Variants in ATP6V0E1 observed in about 807,000 individuals in gnomAD.
The protein encoded by ATP6V0E1 is ATPase H+ transporting V0 subunit e1.
In ATP6V0E1, 4 loss-of-function variants were observed where a neutral mutation model predicts 11.6. That is an observed-to-expected ratio of 0.35 (90% CI 0.17 to 0.79). The LOEUF is 0.79. Ranked by LOEUF, ATP6V0E1 falls within the 30% of genes least tolerant of loss-of-function variation. ATP6V0E1 has a pLI of 0.54. For missense variants in ATP6V0E1, 105 were observed against 100.0 expected (o/e 1.05, Z -0.21); for synonymous variants, 36 against 34.8 (o/e 1.04, Z -0.13).
At chr5:172,998,457 T>A (rs1159500533) in intron 2 of ATP6V0E1, among the ~76,000 whole-genome samples, 1 of 151,694 alleles carries the variant, frequency 6.6e-6, no homozygotes, top group Non-Finnish European at 1.5e-5. Flanking sequence ...AAAAAATTTT[T>A]AAAATTAGCT....
intron 3 of ATP6V0E1, among the ~76,000 whole-genome samples, chr5:173,028,278 C>T (rs1476160150): frequency 2.0e-5 from 3 of 152,260 alleles, no homozygotes; most frequent in Admixed American, 6.5e-5. Flanking sequence ...CTCTGCCTAG[C>T]GTTAGAACAG....
chr5:173,032,269 A>ATTTAT (rs1756676045), intron 3 of ATP6V0E1, among the ~76,000 whole-genome samples: 2 of 145,948 alleles, frequency 1.4e-5, no homozygotes, highest in Admixed American at 1.4e-4. Context: ...TTATTTATTT[A>ATTTAT]TTTATTTATT....
intron 3 of ATP6V0E1, 24 bp downstream of exon 3, chr5:173,020,391 T>G: frequency 1.5e-6 from 2 of 1,363,412 alleles, no homozygotes; most frequent in Non-Finnish European, 2.1e-6. Context: ...TGACCTTTCT[T>G]ATCAGTATGG....
intron 2 of ATP6V0E1, among the ~76,000 whole-genome samples, chr5:173,011,355 A>T (rs545849477): frequency 2.8e-4 from 43 of 151,168 alleles, no homozygotes; most frequent in Non-Finnish European, 5.0e-4. Flanking sequence ...TTGAAAAAAA[A>T]TTTTTTTTTA....
At chr5:173,034,114 A>G (rs905834618) in intron 3 of ATP6V0E1, among the ~76,000 whole-genome samples, 16 of 152,220 alleles carry the variant, frequency 1.1e-4, no homozygotes, top group Admixed American at 2.6e-4. Context: ...TGAATTCATT[A>G]GATTCCAGCA....
intron 2 of ATP6V0E1, among the ~76,000 whole-genome samples, chr5:173,011,052 G>A (rs921787161): frequency 1.6e-4 from 25 of 152,036 alleles, no homozygotes; most frequent in African/African-American, 6.0e-4. Flanking sequence ...ATTTCTCACA[G>A]CTCATGAGTC....
At chr5:173,033,039 T>C (rs1329789394) in intron 3 of ATP6V0E1, among the ~76,000 whole-genome samples, 1 of 152,188 alleles carries the variant, frequency 6.6e-6, no homozygotes, top group Non-Finnish European at 1.5e-5. Flanking sequence ...GAGGCTGCAG[T>C]GAGCTGTGTT....
At chr5:173,016,250 G>A (rs149768600) in intron 2 of ATP6V0E1, among the ~76,000 whole-genome samples, 2 of 152,320 alleles carry the variant, frequency 1.3e-5, no homozygotes, top group East Asian at 3.9e-4. Context: ...GCTACCTCCA[G>A]GCAGATAATG....
chr5:172,994,851 C>A (rs1756035854), intron 2 of ATP6V0E1, 29 bp downstream of exon 2: 1 of 1,550,400 alleles, frequency 6.4e-7, no homozygotes, highest in African/African-American at 1.4e-5. Context: ...AGTAATTATT[C>A]TTGGTATTTG....
At chr5:172,985,049 A>G (rs564625475) in intron 1 of ATP6V0E1, among the ~76,000 whole-genome samples, 3 of 152,310 alleles carry the variant, frequency 2.0e-5, no homozygotes, top group East Asian at 3.9e-4. Flanking sequence ...GATCGAGACC[A>G]TCCTGGCTAA....
At chr5:172,999,862 A>G (rs1756125265) in intron 2 of ATP6V0E1, among the ~76,000 whole-genome samples, 1 of 152,068 alleles carries the variant, frequency 6.6e-6, no homozygotes, top group Non-Finnish European at 1.5e-5. Flanking sequence ...TTATGAAATC[A>G]TTTTTCTTTT....
At chr5:173,028,718 T>C (rs1283295976) in intron 3 of ATP6V0E1, among the ~76,000 whole-genome samples, 3 of 152,252 alleles carry the variant, frequency 2.0e-5, no homozygotes, top group African/African-American at 7.2e-5. Context: ...TTATGTTTAT[T>C]GGCTGCAAAT....
intron 3 of ATP6V0E1, among the ~76,000 whole-genome samples, chr5:173,028,410 A>G (rs575722076): frequency 6.6e-6 from 1 of 152,316 alleles, no homozygotes; most frequent in African/African-American, 2.4e-5. Context: ...TTTAGAAGGT[A>G]GATTTGGGTC....
At chr5:172,992,329 G>C (rs1755996982) in intron 1 of ATP6V0E1, among the ~76,000 whole-genome samples, 2 of 152,178 alleles carry the variant, frequency 1.3e-5, no homozygotes, top group Non-Finnish European at 2.9e-5. Flanking sequence ...GGGATTGCAG[G>C]CGTGAGCCAC....
intron 2 of ATP6V0E1, among the ~76,000 whole-genome samples, chr5:172,999,434 C>T (rs1756119571): frequency 1.3e-5 from 2 of 152,094 alleles, no homozygotes; most frequent in Admixed American, 1.3e-4. Context: ...AGCAATCTTC[C>T]TGCCTCAGCC....
intron 3 of ATP6V0E1, 85 bp downstream of exon 3, chr5:173,020,452 T>G: frequency 3.8e-6 from 3 of 779,384 alleles, no homozygotes; most frequent in Non-Finnish European, 6.3e-6. Context: ...ATGGCCATTT[T>G]AACACGTGGC....
intron 2 of ATP6V0E1, among the ~76,000 whole-genome samples, chr5:173,000,139 C>T (rs771225686): frequency 8.5e-5 from 13 of 152,070 alleles, no homozygotes; most frequent in Non-Finnish European, 1.8e-4. Flanking sequence ...AAATTGCCTT[C>T]TGTTTGTTGC....
intron 3 of ATP6V0E1, among the ~76,000 whole-genome samples, chr5:173,028,619 T>C (rs1004735120): frequency 6.6e-6 from 1 of 152,232 alleles, no homozygotes; most frequent in African/African-American, 2.4e-5. Context: ...AGCCGATCTT[T>C]TGCTGCTTTA....
At chr5:173,018,657 A>G (rs1581633845) in intron 2 of ATP6V0E1, among the ~76,000 whole-genome samples, 2 of 151,088 alleles carry the variant, frequency 1.3e-5, no homozygotes, top group Admixed American at 6.6e-5. Context: ...GACTTCCTTC[A>G]TAACAGTTAT....
Sources: gnomAD v4.1 joint callset for allele counts (sites outside exome capture counted in the v4.1 genomes callset) on GRCh38, gnomAD v4.1.1 for gene constraint, MANE v1.5 for transcripts, NCBI Gene and HGNC (gene_info 2026-07-23, HGNC 2026-07-21) for gene names.